DPP10: variants seen among roughly 807,000 people sequenced by gnomAD.
DPP10 encodes the protein dipeptidyl peptidase like 10, also known as inactive dipeptidyl peptidase 10.
Under a neutral mutation model 120.9 loss-of-function variants are expected in DPP10, and 33 were observed. The observed-to-expected ratio is 0.27, with a 90% CI of 0.21 to 0.37. The LOEUF is 0.37. DPP10 is among the 10% of genes least tolerant of loss of function. DPP10 has a pLI of 1.00. For synonymous variants in DPP10, 337 were observed against 326.1 expected, an observed-to-expected ratio of 1.03 and a Z score of -0.36; for missense variants, 816 against 942.8, an observed-to-expected ratio of 0.87 and a Z score of 1.76.
intron 12 of DPP10, among the ~76,000 whole-genome samples, chr2:115,768,080 C>T (rs1307543113): frequency 6.6e-6 from 1 of 152,146 alleles, no homozygotes; most frequent in Non-Finnish European, 1.5e-5. Context: ...TTTCTCCTAT[C>T]CTTCCCACAA....
At chr2:114,837,386 A>G (rs1354694249) in intron 1 of DPP10, among the ~76,000 whole-genome samples, 1 of 152,160 alleles carries the variant, frequency 6.6e-6, no homozygotes, top group Non-Finnish European at 1.5e-5. Context: ...TAGGGATTGT[A>G]TGGCTATTCA....
At chr2:115,006,606 CA>C (rs1344259907) in intron 1 of DPP10, among the ~76,000 whole-genome samples, 8 of 146,392 alleles carry the variant, frequency 5.5e-5, no homozygotes, top group African/African-American at 2.0e-4. Context: ...CAACAAAGAT[CA>C]AAAGAGACAA....
At chr2:115,744,686 A>T (rs770526874) in intron 9 of DPP10, among the ~76,000 whole-genome samples, 1 of 150,410 alleles carries the variant, frequency 6.6e-6, no homozygotes, top group Non-Finnish European at 1.5e-5. Flanking sequence ...TTTGATATCC[A>T]ACAAAACATT....
chr2:115,821,694 T>C (rs573388629), intron 21 of DPP10, among the ~76,000 whole-genome samples: 30 of 152,136 alleles, frequency 2.0e-4, no homozygotes, highest in Non-Finnish European at 3.5e-4. Flanking sequence ...TTTCATTCTT[T>C]TTTCTAAATA....
intron 16 of DPP10, among the ~76,000 whole-genome samples, chr2:115,781,943 C>T (rs1004883666): frequency 4.6e-5 from 7 of 151,830 alleles, no homozygotes; most frequent in Admixed American, 1.3e-4. Flanking sequence ...TTCCAATATG[C>T]GTGCTTTCTT....
At position 115,513,569 on chromosome 2, in the gene DPP10, A is replaced by G. The variant is rs548875169; in HGVS notation, c.367-12329A>G. 2.0e-5 allele frequency among the ~76,000 whole-genome samples: 3 copies of G among 151,746 alleles called. No individual in the cohort carries two copies. The South Asian group carries it at 6.2e-4, about 32-fold the overall frequency. Reference sequence around the variant, plus strand: ...TTATTTATTTAGCCATTGCCTTGTAATTTACAACTAGCATCTTAATTTAGA... The same window carrying G: ...TTATTTATTTAGCCATTGCCTTGTAGTTTACAACTAGCATCTTAATTTAGA... On this transcript the variant is annotated intron_variant, in intron 4 of 25. Coordinates refer to ENST00000410059, the MANE Select transcript of DPP10 (RefSeq NM_020868.6).
chr2:114,481,978 A>AG (rs1176329600), intron 1 of DPP10, among the ~76,000 whole-genome samples: 6 of 150,768 alleles, frequency 4.0e-5, no homozygotes, highest in African/African-American at 1.2e-4. Flanking sequence ...GAGAGAGGAG[A>AG]GAAAGAAAGA....
intron 1 of DPP10, among the ~76,000 whole-genome samples, chr2:115,174,961 G>C (rs1340138169): frequency 6.6e-6 from 1 of 152,178 alleles, no homozygotes; most frequent in African/African-American, 2.4e-5. Flanking sequence ...GTCTCAAATA[G>C]CTTTTCTTTG....
chr2:115,712,380 AAGCCCATGGTTC>A (rs2092346771), intron 7 of DPP10, among the ~76,000 whole-genome samples: 1 of 150,898 alleles, frequency 6.6e-6, no homozygotes. Flanking sequence ...AGCACAGATG[AAGCCCATGGTTC>A]ACCTCCTGCT....
chr2:114,754,257 C>T (rs544266619), intron 1 of DPP10, among the ~76,000 whole-genome samples: 12 of 152,238 alleles, frequency 7.9e-5, no homozygotes, highest in Middle Eastern at 3.4e-3. Context: ...GAGAGACAGG[C>T]GGACACACCT....
chr2:115,791,032 G>C, intron 17 of DPP10, 49 bp from the exon 18 acceptor site: 2 of 1,371,586 alleles, frequency 1.5e-6, no homozygotes, highest in Non-Finnish European at 2.0e-6. Context: ...CACTGATTCT[G>C]TTTAATGCAT....
intron 21 of DPP10, among the ~76,000 whole-genome samples, chr2:115,827,694 C>T (rs1036697646): frequency 6.6e-6 from 1 of 151,480 alleles, no homozygotes; most frequent in Non-Finnish European, 1.5e-5. Context: ...CTCCCGAGTT[C>T]AAGCGATTCT....
intron 3 of DPP10, among the ~76,000 whole-genome samples, chr2:115,374,419 C>T (rs182945076): frequency 6.6e-6 from 1 of 152,284 alleles, no homozygotes; most frequent in Non-Finnish European, 1.5e-5. Context: ...CCTTTGGCTG[C>T]TTTCATAGGC....
At chr2:114,472,452 G>A (rs1342742262) in intron 1 of DPP10, among the ~76,000 whole-genome samples, 1 of 152,190 alleles carries the variant, frequency 6.6e-6, no homozygotes, top group Non-Finnish European at 1.5e-5. Context: ...CTATCACCAG[G>A]TTTTGGCTGG....
chr2:115,108,335 C>A (rs1200675603), intron 1 of DPP10, among the ~76,000 whole-genome samples: 2 of 152,088 alleles, frequency 1.3e-5, no homozygotes, highest in Non-Finnish European at 2.9e-5. Flanking sequence ...ATATATAAAC[C>A]AATATATTGG....
chr2:115,767,139 G>A (rs370006211), intron 12 of DPP10, among the ~76,000 whole-genome samples: 21 of 152,048 alleles, frequency 1.4e-4, no homozygotes, highest in Non-Finnish European at 2.6e-4. Flanking sequence ...AGGAGATTTC[G>A]GATTAGAGAC....
chr2:115,630,366 A>G (rs934831944), intron 5 of DPP10, among the ~76,000 whole-genome samples: 2 of 152,052 alleles, frequency 1.3e-5, no homozygotes, highest in Non-Finnish European at 2.9e-5. Flanking sequence ...AGACAGTTTG[A>G]CTTCCTCTCT....
At chr2:115,553,682 T>C (rs1396509942) in intron 5 of DPP10, among the ~76,000 whole-genome samples, 2 of 152,136 alleles carry the variant, frequency 1.3e-5, no homozygotes, top group Non-Finnish European at 2.9e-5. Context: ...TTATACTTTA[T>C]CTGCACTATG....
chr2:114,942,349 AC>A (rs1697005697), intron 1 of DPP10, among the ~76,000 whole-genome samples: 1 of 103,380 alleles, frequency 9.7e-6, no homozygotes. Flanking sequence ...ACGTATATAT[AC>A]ATATATATAT....
Sources: allele counts gnomAD v4.1 joint callset (sites outside exome capture counted in the v4.1 genomes callset), GRCh38; gene constraint gnomAD v4.1.1; transcripts MANE v1.5; gene names NCBI Gene and HGNC (gene_info 2026-07-23, HGNC 2026-07-21).